SH2D4B: variants seen among roughly 807,000 people sequenced by gnomAD.
SH2D4B encodes the protein SH2 domain-containing protein 4B.
SH2D4B carries 45 observed loss-of-function variants against 61.5 expected under a neutral mutation model. That is an observed-to-expected ratio of 0.73 (90% CI 0.58 to 0.94). SH2D4B has a LOEUF of 0.94. Ranked by LOEUF, SH2D4B falls within the 40% of genes least tolerant of loss-of-function variation. The pLI, the probability that SH2D4B is intolerant of heterozygous loss-of-function variation, is 0.00. For missense variants in SH2D4B, 572 were observed against 574.2 expected (o/e 1.00, Z 0.04); for synonymous variants, 224 against 220.4 (o/e 1.02, Z -0.14).
At position 80,609,469 on chromosome 10, in the gene SH2D4B, C is replaced by G. The variant is rs144024335; in HGVS notation, c.906C>G (p.Ile302Met). 9.3e-6 allele frequency: 15 copies of G among 1,614,196 alleles called. No homozygotes were observed. The South Asian group carries it at 1.5e-4, about 17-fold the overall frequency. The part of the protein sequence containing the change: ...RPLRPVSRDV[I>M]VRWFKEEQLP... ...TGCGCCCAGTCTCCAGAGATGTCAT[C>G]GTCCGCTGGTTTAAGGAGGAGCAGC... The change falls in exon 6 of 8, where the codon ATC becomes ATG. Residue 302 changes from isoleucine to methionine, a missense_variant. By Grantham distance (10) the Ile-to-Met change is conservative. Coordinates refer to ENST00000646907, the MANE Select transcript of SH2D4B (RefSeq NM_001388272.1).
At chr10:80,603,513 C>T (rs996823165) in intron 4 of SH2D4B, 66 bp from the exon 5 acceptor site, 2 of 1,395,124 alleles carry the variant, frequency 1.4e-6, no homozygotes, top group Non-Finnish European at 1.9e-6. Context: ...TACTTCCTGT[C>T]CCAGCTGGCG....
At chr10:80,623,367 A>G (rs1302133092) in intron 6 of SH2D4B, among the ~76,000 whole-genome samples, 2 of 152,268 alleles carry the variant, frequency 1.3e-5, no homozygotes, top group East Asian at 3.8e-4. Context: ...CCCTCACAGC[A>G]TAAAGGTAGA....
At chr10:80,633,912 A>G (rs1367602513) in intron 6 of SH2D4B, among the ~76,000 whole-genome samples, 6 of 152,252 alleles carry the variant, frequency 3.9e-5, no homozygotes, top group Non-Finnish European at 7.3e-5. Flanking sequence ...AGGCCTCTTA[A>G]GGCTTTTCAC....
chr10:80,612,136 C>T (rs1231986800), intron 6 of SH2D4B, among the ~76,000 whole-genome samples: 1 of 146,986 alleles, frequency 6.8e-6, no homozygotes, highest in Non-Finnish European at 1.5e-5. Flanking sequence ...ATTGCCTTTG[C>T]TTGAAAAAGT....
intron 4 of SH2D4B, among the ~76,000 whole-genome samples, chr10:80,594,831 T>C (rs1842368791): frequency 6.6e-6 from 1 of 152,186 alleles, no homozygotes; most frequent in Non-Finnish European, 1.5e-5. Flanking sequence ...ACTGATACCT[T>C]TTTAAGCTGA....
At chr10:80,558,236 GA>G (rs1328040460) in intron 1 of SH2D4B, among the ~76,000 whole-genome samples, 2 of 151,640 alleles carry the variant, frequency 1.3e-5, no homozygotes, top group Non-Finnish European at 2.9e-5. Context: ...TATGCTTGTT[GA>G]TTTTTTTTTC....
intron 6 of SH2D4B, among the ~76,000 whole-genome samples, chr10:80,621,675 G>A: frequency 6.6e-6 from 1 of 152,164 alleles, no homozygotes; most frequent in East Asian, 1.9e-4. Flanking sequence ...CTGGTCAGTG[G>A]CTCATCTATG....
intron 6 of SH2D4B, among the ~76,000 whole-genome samples, chr10:80,619,590 G>A (rs1482192232): frequency 1.3e-5 from 2 of 152,226 alleles, no homozygotes; most frequent in Admixed American, 6.5e-5. Flanking sequence ...ACTGACCCTT[G>A]GACTTTGTGG....
intron 7 of SH2D4B, among the ~76,000 whole-genome samples, chr10:80,641,209 C>T (rs1171699892): frequency 1.3e-5 from 2 of 152,210 alleles, no homozygotes; most frequent in Admixed American, 1.3e-4. Context: ...TGTCAGTCAG[C>T]CCCTACTGGG....
rs1840362447 is a variant in SH2D4B at position 80,644,389 on chromosome 10, G to A, written c.*304G>A. On this transcript the variant is annotated 3_prime_UTR_variant, in exon 8 of 8. Coordinates refer to ENST00000646907, the MANE Select transcript of SH2D4B (RefSeq NM_001388272.1). The stretch of plus-strand genomic sequence containing the variant: ...CGAGCTCTTACAGTGCGTGGACCAT[G>A]TTTTAATAATCCAAAATAATTCCAG... 1 of 262,302 alleles carries A rather than the reference G, an allele frequency of 3.8e-6. No homozygotes were observed. Among genetic ancestry groups the A allele is most frequent in the African/African-American group, 2.2e-5 (1 of 45,492 alleles). The allele number at this position is 262,302 out of a possible 1,614,324, so 16.2% of individuals were successfully genotyped here.
chr10:80,566,163 T>C (rs967285097), intron 1 of SH2D4B, among the ~76,000 whole-genome samples: 6 of 150,616 alleles, frequency 4.0e-5, no homozygotes, highest in Non-Finnish European at 8.9e-5. Context: ...TTATCCAGTT[T>C]GTTTGGAGAA....
At chr10:80,641,674 G>C (rs1840313214) in intron 7 of SH2D4B, among the ~76,000 whole-genome samples, 1 of 152,256 alleles carries the variant, frequency 6.6e-6, no homozygotes, top group Non-Finnish European at 1.5e-5. Flanking sequence ...CTTTAGCAAT[G>C]ATGAGCTCCT....
intron 6 of SH2D4B, among the ~76,000 whole-genome samples, chr10:80,628,799 G>A (rs923756202): frequency 2.0e-5 from 3 of 151,988 alleles, no homozygotes; most frequent in African/African-American, 7.3e-5. Flanking sequence ...AAGCTGAGGC[G>A]GGTGGATCAT....
At chr10:80,576,453 A>G (rs185540264) in intron 3 of SH2D4B, among the ~76,000 whole-genome samples, 314 of 152,366 alleles carry the variant, frequency 2.1e-3, no homozygotes, top group Middle Eastern at 3.4e-3. Context: ...TCATTAGGGC[A>G]CTATCTGTTA....
intron 3 of SH2D4B, among the ~76,000 whole-genome samples, chr10:80,572,205 C>T (rs970603647): frequency 5.9e-5 from 9 of 152,116 alleles, no homozygotes; most frequent in African/African-American, 2.2e-4. Context: ...CCCAAACCAC[C>T]AGTCCAGAAA....
chr10:80,603,250 A>G (rs547029751), intron 4 of SH2D4B, among the ~76,000 whole-genome samples: 1 of 152,146 alleles, frequency 6.6e-6, no homozygotes, highest in African/African-American at 2.4e-5. Context: ...TTCCACCCCA[A>G]GGTGGCTTGG....
intron 6 of SH2D4B, among the ~76,000 whole-genome samples, chr10:80,611,913 G>A (rs1418511728): frequency 6.6e-6 from 1 of 151,960 alleles, no homozygotes; most frequent in Admixed American, 6.6e-5. Flanking sequence ...CAGAAAAGTT[G>A]CTGTTACACA....
chr10:80,603,236 A>C (rs1842471983), intron 4 of SH2D4B, among the ~76,000 whole-genome samples: 1 of 152,108 alleles, frequency 6.6e-6, no homozygotes, highest in African/African-American at 2.4e-5. Flanking sequence ...AGGGAGATGG[A>C]AATTTCCACC....
intron 3 of SH2D4B, among the ~76,000 whole-genome samples, chr10:80,572,957 TATATATATATATATATATATATATATATA>T (rs1564771853): frequency 0.039 from 244 of 6,218 alleles, 7 homozygotes; most frequent in African/African-American, 0.094. Flanking sequence ...TATATATATA[TATATATATATATATATATATATATATATA>T]TTTTTTTTTT....
Sources: gnomAD v4.1 joint callset for allele counts (sites outside exome capture counted in the v4.1 genomes callset) on GRCh38, gnomAD v4.1.1 for gene constraint, MANE v1.5 for transcripts, NCBI Gene and HGNC (gene_info 2026-07-23, HGNC 2026-07-21) for gene names.